KCNH7: variants seen among roughly 807,000 people sequenced by gnomAD.
KCNH7 encodes the protein voltage-gated inwardly rectifying potassium channel KCNH7.
Under a neutral mutation model 120.8 loss-of-function variants are expected in KCNH7, and 49 were observed. That is an observed-to-expected ratio of 0.41 (90% CI 0.32 to 0.51). KCNH7 has a LOEUF of 0.51. Ranked by LOEUF, KCNH7 falls within the 20% of genes least tolerant of loss-of-function variation. The probability of loss-of-function intolerance (pLI) is 0.38; values close to 1 mark genes in which losing one functional copy is unlikely to be tolerated. For synonymous variants in KCNH7, 547 were observed against 516.1 expected (o/e 1.06, Z -0.81); for missense variants, 1,097 against 1,446.6 (o/e 0.76, Z 3.92).
intron 2 of KCNH7, among the ~76,000 whole-genome samples, chr2:162,707,063 T>G (rs1205233906): frequency 6.6e-6 from 1 of 152,144 alleles, no homozygotes; most frequent in Non-Finnish European, 1.5e-5. Flanking sequence ...TCCATTTTTT[T>G]GCCTCAAGAG....
intron 2 of KCNH7, among the ~76,000 whole-genome samples, chr2:162,724,401 G>A (rs1006296036): frequency 2.0e-5 from 3 of 152,032 alleles, no homozygotes; most frequent in African/African-American, 4.8e-5. Context: ...GGCCGGGCGC[G>A]GTGGCTCACG....
At chr2:162,472,777 GAC>G (rs1224339772) in intron 6 of KCNH7, among the ~76,000 whole-genome samples, 1 of 152,184 alleles carries the variant, frequency 6.6e-6, no homozygotes, top group African/African-American at 2.4e-5. Context: ...CTGCTATAAA[GAC>G]ACATGCACAT....
At chr2:162,683,665 T>A (rs1230263249) in intron 2 of KCNH7, among the ~76,000 whole-genome samples, 3 of 151,862 alleles carry the variant, frequency 2.0e-5, no homozygotes, top group Admixed American at 6.6e-5. Flanking sequence ...TTTCTCAAAT[T>A]CAATCATAGC....
chr2:162,675,357 T>TG (rs1685498878), intron 2 of KCNH7, among the ~76,000 whole-genome samples: 1 of 151,490 alleles, frequency 6.6e-6, no homozygotes, highest in Non-Finnish European at 1.5e-5. Flanking sequence ...AGGAAGCCCA[T>TG]GGACTCCTGA....
Position 162,433,557 on chromosome 2 carries a change from G to A in KCNH7, c.1954+1641C>T, listed in dbSNP as rs145661610. Among the ~76,000 whole-genome samples the A allele has an allele frequency of 2.8e-4, 42 of 152,182 alleles. No individual in the cohort carries two copies. The East Asian group carries it at 7.8e-3, about 28-fold the overall frequency. ...GACTCCCTATTCAATAAATGGTGCTGAGACAGCTGGCTAGCCATATGCAGA... is the reference window on the plus strand; with the variant it reads ...GACTCCCTATTCAATAAATGGTGCTAAGACAGCTGGCTAGCCATATGCAGA... On this transcript the variant is annotated intron_variant, in intron 8 of 15. Coordinates refer to ENST00000332142, the MANE Select transcript of KCNH7 (RefSeq NM_033272.4).
In KCNH7 at chr2:162,423,551, A is replaced by C. The variant is rs768631090; in HGVS notation, c.1955-16T>G. 3 of 1,607,912 alleles carry C rather than the reference A, an allele frequency of 1.9e-6. No homozygotes were observed. Among genetic ancestry groups the C allele is most frequent in the Non-Finnish European group, 2.6e-6 (3 of 1,175,542 alleles). On this transcript the variant is annotated splice_polypyrimidine_tract_variant and intron_variant, in intron 8 of 15. Coordinates refer to ENST00000332142, the MANE Select transcript of KCNH7 (RefSeq NM_033272.4). Reference sequence around the variant, plus strand: ...TACATTAGTGCTGGATTGGATAAAAAACAAAGTTATCGGGGAAACTGCACA... The same window carrying C: ...TACATTAGTGCTGGATTGGATAAAACACAAAGTTATCGGGGAAACTGCACA...
intron 3 of KCNH7, among the ~76,000 whole-genome samples, chr2:162,534,072 C>G (rs1268684359): frequency 6.6e-6 from 1 of 151,190 alleles, no homozygotes; most frequent in Non-Finnish European, 1.5e-5. Context: ...TTAAACAACT[C>G]AAGTTAAAAA....
chr2:162,712,705 T>C (rs1208698517), intron 2 of KCNH7, among the ~76,000 whole-genome samples: 1 of 152,194 alleles, frequency 6.6e-6, no homozygotes, highest in Admixed American at 6.5e-5. Context: ...AATACTGTTA[T>C]TTTAGCAACT....
intron 2 of KCNH7, among the ~76,000 whole-genome samples, chr2:162,747,698 G>A (rs1418621034): frequency 3.3e-5 from 5 of 152,136 alleles, no homozygotes; most frequent in Non-Finnish European, 5.9e-5. Context: ...AGCACACTGC[G>A]ACTGAAAGCT....
chr2:162,593,515 A>T (rs1302543363), intron 2 of KCNH7, among the ~76,000 whole-genome samples: 1 of 152,074 alleles, frequency 6.6e-6, no homozygotes, highest in Non-Finnish European at 1.5e-5. Context: ...CCTTCCAGAA[A>T]AGACACTGTA....
chr2:162,542,478 T>C (rs1574082004), intron 2 of KCNH7, among the ~76,000 whole-genome samples: 1 of 139,842 alleles, frequency 7.2e-6, no homozygotes, highest in Admixed American at 7.9e-5. Flanking sequence ...TCAATTCCCA[T>C]CTATGAGTGA....
At chr2:162,522,187 T>C in intron 3 of KCNH7, among the ~76,000 whole-genome samples, 1 of 152,030 alleles carries the variant, frequency 6.6e-6, no homozygotes, top group South Asian at 2.1e-4. Flanking sequence ...AGTCATTTGA[T>C]TAGTCTTTAA....
intron 2 of KCNH7, among the ~76,000 whole-genome samples, chr2:162,709,221 T>G (rs1219678371): frequency 1.3e-5 from 2 of 151,964 alleles, no homozygotes; most frequent in Non-Finnish European, 2.9e-5. Flanking sequence ...ATTTCAAGAG[T>G]GATTAAAAAC....
At chr2:162,668,058 A>G (rs1463401483) in intron 2 of KCNH7, among the ~76,000 whole-genome samples, 1 of 152,196 alleles carries the variant, frequency 6.6e-6, no homozygotes, top group African/African-American at 2.4e-5. Context: ...TCTGTGATTA[A>G]TGTTCATGCT....
chr2:162,707,416 C>T (rs1415381501), intron 2 of KCNH7, among the ~76,000 whole-genome samples: 1 of 151,970 alleles, frequency 6.6e-6, no homozygotes, highest in Non-Finnish European at 1.5e-5. Context: ...CTGTCATAAA[C>T]TATGTAGCTA....
chr2:162,753,696 A>T (rs1306732919), intron 2 of KCNH7, among the ~76,000 whole-genome samples: 1 of 152,066 alleles, frequency 6.6e-6, no homozygotes, highest in East Asian at 1.9e-4. Flanking sequence ...CACAGATGGG[A>T]TTATTTCATT....
rs1448327703 is a variant in KCNH7, at chr2:162,577,348, CCT to C, written c.308-40270_308-40269del. Among the ~76,000 whole-genome samples, 715 of 131,384 alleles carry C rather than the reference CCT, an allele frequency of 5.4e-3. 5 individuals carry two copies. The highest frequency in any genetic ancestry group is 0.014 in the South Asian group (53 of 3,912). 86.2% of individuals were successfully genotyped at this position (131,384 alleles called of 152,430 possible). On this transcript the variant is annotated intron_variant, in intron 2 of 15. Transcript: ENST00000332142. ...ATCTATCTGTCTATCATCTATCCAT[CCT>C]ATCTATCTATCTATCTATCTATCTA...
rs1361108957 is a variant in KCNH7, at chr2:162,838,596, G to C, written c.-78C>G. Reference sequence around the variant, plus strand: ...GGATCTCTCCTCGGCTAGAGCCCAGGCCAGCGCGCGAGCCGCTCTTTGTGG... The same window carrying C: ...GGATCTCTCCTCGGCTAGAGCCCAGCCCAGCGCGCGAGCCGCTCTTTGTGG... On this transcript the variant is annotated 5_prime_UTR_variant, in exon 1 of 16. Coordinates refer to ENST00000332142, the MANE Select transcript of KCNH7 (RefSeq NM_033272.4). 1 of 1,150,516 alleles carries C rather than the reference G, an allele frequency of 8.7e-7. No homozygotes were observed. The highest frequency in any genetic ancestry group is 1.5e-5 in the African/African-American group (1 of 64,612). 71.3% of individuals were successfully genotyped at this position (1,150,516 alleles called of 1,614,324 possible).
In KCNH7 at chr2:162,561,675, T is replaced by C. The variant is rs748000086; in HGVS notation, c.308-24595A>G. On this transcript the variant is annotated intron_variant, in intron 2 of 15. Transcript: ENST00000332142. ...GAGCTTTTTTTCATATGTTCGTTGGTTGCATAAATGTCTTCTTTTGAGAAG... is the reference window on the plus strand; with the variant it reads ...GAGCTTTTTTTCATATGTTCGTTGGCTGCATAAATGTCTTCTTTTGAGAAG... Among the ~76,000 whole-genome samples the C allele has an allele frequency of 4.6e-5, 7 of 152,134 alleles. 1 individual carries two copies. The highest frequency in any genetic ancestry group is 8.8e-5 in the Non-Finnish European group (6 of 68,026).
Sources: allele counts gnomAD v4.1 joint callset (sites outside exome capture counted in the v4.1 genomes callset), GRCh38; gene constraint gnomAD v4.1.1; transcripts MANE v1.5; gene names NCBI Gene and HGNC (gene_info 2026-07-23, HGNC 2026-07-21).